Variants in TMEM117 observed in about 807,000 individuals in gnomAD.
TMEM117 encodes transmembrane protein 117.
Under a neutral mutation model 52.4 loss-of-function variants are expected in TMEM117, and 27 were observed. The observed-to-expected ratio is 0.51, with a 90% CI of 0.38 to 0.71. The LOEUF is 0.71. Among genes scored for constraint, TMEM117 ranks in the 30% least tolerant of loss-of-function variants. The pLI, the probability that TMEM117 is intolerant of heterozygous loss-of-function variation, is 0.00. For missense variants in TMEM117, 556 were observed against 630.5 expected (o/e 0.88, Z 1.26); for synonymous variants, 215 against 206.3 (o/e 1.04, Z -0.36).
intron 4 of TMEM117, among the ~76,000 whole-genome samples, chr12:44,164,371 C>A (rs1948936904): frequency 6.6e-6 from 1 of 152,076 alleles, no homozygotes; most frequent in Non-Finnish European, 1.5e-5. Flanking sequence ...CCCACCCCTT[C>A]CCCTGAGTCC....
intron 3 of TMEM117, among the ~76,000 whole-genome samples, chr12:43,991,935 G>A (rs765972644): frequency 7.9e-5 from 12 of 152,088 alleles, no homozygotes; most frequent in Non-Finnish European, 1.3e-4. Context: ...CTAGGCGGAC[G>A]GGTTGCTTGA....
chr12:44,317,302 T>A (rs1054620064), intron 6 of TMEM117, among the ~76,000 whole-genome samples: 20 of 91,352 alleles, frequency 2.2e-4, no homozygotes, highest in African/African-American at 1.9e-3. Flanking sequence ...ATATATATGT[T>A]TTTTTTTTTA....
chr12:44,182,011 G>C (rs867737454), intron 4 of TMEM117, among the ~76,000 whole-genome samples: 3 of 152,180 alleles, frequency 2.0e-5, no homozygotes, highest in Middle Eastern at 3.4e-3. Context: ...CCATTTGTTT[G>C]TATCCTCTTT....
intron 3 of TMEM117, among the ~76,000 whole-genome samples, chr12:44,045,490 A>G (rs1410964748): frequency 6.6e-6 from 1 of 152,192 alleles, no homozygotes; most frequent in Non-Finnish European, 1.5e-5. Flanking sequence ...TGCCTTATCC[A>G]CCATCATGGT....
chr12:43,828,945 AT>A, the TMEM117 span, among the ~76,000 whole-genome samples: 1,327 of 151,490 alleles, frequency 8.8e-3, 17 homozygotes, highest in African/African-American at 0.029. Flanking sequence ...GGGCATTGGG[AT>A]TTTTTATTTT....
At chr12:44,206,354 G>T (rs1207991272) in intron 4 of TMEM117, among the ~76,000 whole-genome samples, 1 of 152,184 alleles carries the variant, frequency 6.6e-6, no homozygotes, top group Non-Finnish European at 1.5e-5. Context: ...ACAACCTCCA[G>T]CGTGGGCATC....
chr12:44,262,780 G>T (rs184307366), intron 5 of TMEM117, among the ~76,000 whole-genome samples: 1 of 152,236 alleles, frequency 6.6e-6, no homozygotes, highest in Admixed American at 6.5e-5. Context: ...GTAGAGATGG[G>T]GTTTCACCAT....
intron 6 of TMEM117, among the ~76,000 whole-genome samples, chr12:44,338,029 G>A (rs182826461): frequency 4.3e-4 from 65 of 151,942 alleles, no homozygotes; most frequent in African/African-American, 6.3e-4. Flanking sequence ...CAGGCTTTAC[G>A]TTAGAGCTAA....
At chr12:44,309,673 A>G (rs1385760559) in intron 6 of TMEM117, among the ~76,000 whole-genome samples, 2 of 152,026 alleles carry the variant, frequency 1.3e-5, no homozygotes, top group Admixed American at 1.3e-4. Flanking sequence ...AAACCTTCCA[A>G]TAAGGATAAT....
At chr12:44,200,480 C>T (rs996269357) in intron 4 of TMEM117, among the ~76,000 whole-genome samples, 2 of 152,086 alleles carry the variant, frequency 1.3e-5, no homozygotes, top group South Asian at 2.1e-4. Context: ...AGGAAACAAG[C>T]CTCTCATGGA....
chr12:44,019,169 G>A (rs752607133), intron 3 of TMEM117, among the ~76,000 whole-genome samples: 1 of 151,720 alleles, frequency 6.6e-6, no homozygotes, highest in Non-Finnish European at 1.5e-5. Context: ...ATGTTGTCTG[G>A]GGTGGGGCTT....
chr12:44,037,991 T>G (rs1340404491), intron 3 of TMEM117, among the ~76,000 whole-genome samples: 1 of 152,118 alleles, frequency 6.6e-6, no homozygotes. Flanking sequence ...ATGCCCTGCC[T>G]GCAGATGGGA....
chr12:44,073,356 C>G (rs578109890), intron 3 of TMEM117, among the ~76,000 whole-genome samples: 5 of 152,154 alleles, frequency 3.3e-5, no homozygotes, highest in Non-Finnish European at 7.4e-5. Context: ...TGAACTCGGG[C>G]AAGTTACTTT....
intron 4 of TMEM117, among the ~76,000 whole-genome samples, chr12:44,200,436 G>A (rs1231747477): frequency 6.6e-6 from 1 of 152,100 alleles, no homozygotes; most frequent in African/African-American, 2.4e-5. Flanking sequence ...GGCCTTAAAT[G>A]TTATTTAGGT....
At chr12:44,276,834 A>G (rs1415389153) in intron 5 of TMEM117, among the ~76,000 whole-genome samples, 2 of 151,992 alleles carry the variant, frequency 1.3e-5, no homozygotes, top group Non-Finnish European at 2.9e-5. Context: ...AGCTATGTCT[A>G]TTAGCTAGAC....
intron 6 of TMEM117, among the ~76,000 whole-genome samples, chr12:44,331,562 TGATAA>T (rs369629584): frequency 1.5e-3 from 229 of 152,174 alleles, no homozygotes; most frequent in South Asian, 6.0e-3. Context: ...GAACTTCAAA[TGATAA>T]GATAAGAAGG....
intron 6 of TMEM117, among the ~76,000 whole-genome samples, chr12:44,353,794 C>G (rs1429039456): frequency 6.6e-6 from 1 of 152,028 alleles, no homozygotes; most frequent in Admixed American, 6.6e-5. Flanking sequence ...TTTTTTGGTT[C>G]CATATGAACT....
intron 5 of TMEM117, among the ~76,000 whole-genome samples, chr12:44,238,772 G>A (rs1950028763): frequency 6.6e-6 from 1 of 152,160 alleles, no homozygotes; most frequent in African/African-American, 2.4e-5. Context: ...CAAAGAACCA[G>A]TTCAATGCTG....
chr12:43,816,393 C>T, the TMEM117 span, among the ~76,000 whole-genome samples: 3 of 152,102 alleles, frequency 2.0e-5, no homozygotes, highest in African/African-American at 7.2e-5. Context: ...CACAAGATTA[C>T]TCACCTCCTA....
Sources: gnomAD v4.1 joint callset for allele counts (sites outside exome capture counted in the v4.1 genomes callset) on GRCh38, gnomAD v4.1.1 for gene constraint, MANE v1.5 for transcripts, NCBI Gene and HGNC (gene_info 2026-07-23, HGNC 2026-07-21) for gene names.